SH3RF2: variants seen among roughly 807,000 people sequenced by gnomAD.
SH3RF2 encodes the protein E3 ubiquitin-protein ligase SH3RF2.
In SH3RF2, 43 loss-of-function variants were observed where a neutral mutation model predicts 59.0. That is an observed-to-expected ratio of 0.73 (90% CI 0.57 to 0.94). The LOEUF (loss-of-function observed/expected upper bound fraction) is 0.94, where lower values mean the gene tolerates loss of function less well. Among genes scored for constraint, SH3RF2 ranks in the 40% least tolerant of loss-of-function variants. The probability of loss-of-function intolerance (pLI) is 0.00; values close to 1 mark genes in which losing one functional copy is unlikely to be tolerated. For synonymous variants in SH3RF2, 391 were observed against 391.5 expected (o/e 1.00, Z 0.01); for missense variants, 930 against 940.1 (o/e 0.99, Z 0.14).
chr5:145,938,224 G>A lies in SH3RF2; in HGVS notation c.296G>A (p.Gly99Asp). ...CCTGGCACGATGACCTTGCAGGATGGCAGGAAAAGCAGGACCAACCCCAGA... is the reference window on the plus strand; with the variant it reads ...CCTGGCACGATGACCTTGCAGGATGACAGGAAAAGCAGGACCAACCCCAGA... Reference protein sequence around the residue: ...RRPGTMTLQDGRKSRTNPRRL... With the variant: ...RRPGTMTLQDDRKSRTNPRRL... The change falls in exon 2 of 10, where the codon GGC becomes GAC. Residue 99 changes from glycine (G) to aspartate (D), a missense_variant. By Grantham distance (94) the Gly-to-Asp change is moderately conservative. Transcript: ENST00000359120. The A allele has an allele frequency of 1.2e-6, 2 of 1,611,740 alleles. No individual in the cohort carries two copies. Among genetic ancestry groups the A allele is most frequent in the African/African-American group, 1.3e-5 (1 of 75,078 alleles).
At chr5:146,029,538 G>C (rs11743638) in intron 5 of SH3RF2, among the ~76,000 whole-genome samples, 3 of 152,002 alleles carry the variant, frequency 2.0e-5, no homozygotes, top group Non-Finnish European at 2.9e-5. Flanking sequence ...ATTCTATTGG[G>C]CACTCCCTGG....
chr5:146,017,248 T>C (rs963167387), intron 5 of SH3RF2, among the ~76,000 whole-genome samples: 1 of 152,138 alleles, frequency 6.6e-6, no homozygotes, highest in African/African-American at 2.4e-5. Flanking sequence ...AAAACTGCAG[T>C]GGAGGAAGTT....
rs569810877 is a variant in SH3RF2 at position 146,007,699 on chromosome 5, A to C, written c.744+3546A>C. The stretch of plus-strand genomic sequence containing the variant: ...TTATTCATTTGGATACAGTTTCCTG[A>C]CACTTCACCTCTAAAATTAGCGAGT... On this transcript the variant is annotated intron_variant, in intron 4 of 9. Coordinates refer to ENST00000359120, the MANE Select transcript of SH3RF2 (RefSeq NM_152550.4). Among the ~76,000 whole-genome samples, 15 of 152,336 alleles carry C rather than the reference A, an allele frequency of 9.8e-5. 3 individuals carry two copies. Among genetic ancestry groups the C allele is most frequent in the African/African-American group, 3.6e-4 (15 of 41,570 alleles).
intron 2 of SH3RF2, among the ~76,000 whole-genome samples, chr5:145,948,870 A>G (rs966915951): frequency 4.6e-5 from 7 of 152,206 alleles, no homozygotes; most frequent in African/African-American, 1.7e-4. Flanking sequence ...CTTTTCTACT[A>G]GACTATAAGC....
chr5:146,000,287 A>G lies in SH3RF2; in HGVS notation c.608A>G (p.Lys203Arg), dbSNP rs1307004122. The stretch of plus-strand genomic sequence containing the variant: ...CTCTACAACTTCGACCTACGAGGCA[A>G]GGACAAGAGTGAGAACCAGGATTGC... ...RALYNFDLRG[K>R]DKSENQDCLT... is the part of the protein sequence containing the mutation. Residue 203 changes from lysine (K) to arginine (R), a missense_variant, in exon 3 of 10, where the codon AAG becomes AGG. Transcript: ENST00000359120. The G allele has an allele frequency of 9.9e-6, 16 of 1,613,550 alleles. No homozygotes were observed. The Admixed American group carries it at 2.7e-4, about 27-fold the overall frequency.
At chr5:145,978,201 A>G (rs982379312) in intron 2 of SH3RF2, among the ~76,000 whole-genome samples, 5 of 152,218 alleles carry the variant, frequency 3.3e-5, no homozygotes, top group Non-Finnish European at 5.9e-5. Flanking sequence ...AAGCAAGTCC[A>G]TATGGTATAA....
intron 2 of SH3RF2, among the ~76,000 whole-genome samples, chr5:145,958,120 A>C (rs997018667): frequency 6.6e-6 from 1 of 152,086 alleles, no homozygotes; most frequent in Admixed American, 6.5e-5. Flanking sequence ...TCTCAAAAAA[A>C]AAAACAAAAA....
Position 145,938,102 on chromosome 5 carries a change from C to T in SH3RF2, c.174C>T (p.Ser58=). ...RCPECRTPVF[S]NIEALPANLL... is the part of the protein sequence containing the mutation. ...CCGAATGCAGGACGCCTGTGTTTTCCAACATTGAGGCGCTGCCGGCCAACC... is the reference window on the plus strand; with the variant it reads ...CCGAATGCAGGACGCCTGTGTTTTCTAACATTGAGGCGCTGCCGGCCAACC... The change falls in exon 2 of 10, where the codon TCC becomes TCT. Residue 58 remains serine (S), a synonymous_variant. Coordinates refer to ENST00000359120, the MANE Select transcript of SH3RF2 (RefSeq NM_152550.4). 1 of 1,614,194 alleles carries T rather than the reference C, an allele frequency of 6.2e-7. No homozygotes were observed. The highest frequency in any genetic ancestry group is 8.5e-7 in the Non-Finnish European group (1 of 1,180,030).
chr5:145,947,725 T>G (rs1183627421), intron 2 of SH3RF2, among the ~76,000 whole-genome samples: 1 of 152,214 alleles, frequency 6.6e-6, no homozygotes, highest in Non-Finnish European at 1.5e-5. Context: ...TCAGGCATTG[T>G]TATTATTAAT....
chr5:145,998,964 T>C (rs975175411), intron 2 of SH3RF2, among the ~76,000 whole-genome samples: 4 of 152,108 alleles, frequency 2.6e-5, no homozygotes, highest in Non-Finnish European at 4.4e-5. Flanking sequence ...GTCTATTAAG[T>C]GTGCAATAGC....
intron 2 of SH3RF2, among the ~76,000 whole-genome samples, chr5:145,949,346 C>T (rs986636700): frequency 6.6e-6 from 1 of 152,114 alleles, no homozygotes; most frequent in Admixed American, 6.5e-5. Flanking sequence ...TAATTGGTTG[C>T]CAAGGCGATA....
chr5:146,003,456 T>C (rs796825977), intron 3 of SH3RF2, among the ~76,000 whole-genome samples: 10 of 152,376 alleles, frequency 6.6e-5, no homozygotes, highest in African/African-American at 2.4e-4. Context: ...TATATGTATG[T>C]ATGTTTTGTC....
chr5:146,076,872 C>A (rs3797626), intron 9 of SH3RF2, among the ~76,000 whole-genome samples: 2 of 151,914 alleles, frequency 1.3e-5, no homozygotes, highest in Admixed American at 6.6e-5. Flanking sequence ...TTCCACAAAC[C>A]GCTTGTAAGA....
chr5:146,043,547 T>C (rs1330737512), intron 5 of SH3RF2, among the ~76,000 whole-genome samples: 1 of 152,212 alleles, frequency 6.6e-6, no homozygotes, highest in African/African-American at 2.4e-5. Flanking sequence ...GGTAAACATA[T>C]ACAGCATGTA....
At chr5:145,972,922 G>T (rs1428888440) in intron 2 of SH3RF2, among the ~76,000 whole-genome samples, 1 of 152,152 alleles carries the variant, frequency 6.6e-6, no homozygotes, top group Non-Finnish European at 1.5e-5. Flanking sequence ...AGGCCCACAA[G>T]TAGATAATAG....
intron 2 of SH3RF2, among the ~76,000 whole-genome samples, chr5:145,943,033 G>A (rs1757878087): frequency 6.6e-6 from 1 of 151,734 alleles, no homozygotes; most frequent in Non-Finnish European, 1.5e-5. Flanking sequence ...GCTATTGTGA[G>A]ATTAAAATGA....
rs748906720 is a variant in SH3RF2, at chr5:145,938,096, G to A, written c.168G>A (p.Val56=). Residue 56 remains valine (V), a synonymous_variant, in exon 2 of 10, where the codon GTG becomes GTA. Transcript: ENST00000359120. ...ELRCPECRTP[V]FSNIEALPAN... is the part of the protein sequence containing the mutation. ...GGTGCCCCGAATGCAGGACGCCTGT[G>A]TTTTCCAACATTGAGGCGCTGCCGG... The A allele has an allele frequency of 3.7e-6, 6 of 1,614,240 alleles. No homozygotes were observed. In the South Asian group the frequency reaches 4.4e-5, roughly 12 times the overall value.
chr5:145,981,134 AC>A (rs1324536890), intron 2 of SH3RF2, among the ~76,000 whole-genome samples: 2 of 151,758 alleles, frequency 1.3e-5, no homozygotes, highest in East Asian at 3.9e-4. Context: ...TTGCTTTGTC[AC>A]CCAGGCTGGA....
At chr5:145,959,185 A>G (rs1758528877) in intron 2 of SH3RF2, among the ~76,000 whole-genome samples, 1 of 152,226 alleles carries the variant, frequency 6.6e-6, no homozygotes, top group African/African-American at 2.4e-5. Flanking sequence ...GGCACTTTTT[A>G]TGCAACCATT....
Sources: allele counts gnomAD v4.1 joint callset (sites outside exome capture counted in the v4.1 genomes callset), GRCh38; gene constraint gnomAD v4.1.1; transcripts MANE v1.5; gene names NCBI Gene and HGNC (gene_info 2026-07-23, HGNC 2026-07-21).